DMD: variants seen among roughly 807,000 people sequenced by gnomAD.
DMD encodes dystrophin.
DMD carries 63 observed loss-of-function variants against 330.1 expected under a neutral mutation model. That is an observed-to-expected ratio of 0.19 (90% confidence interval 0.16 to 0.24). The LOEUF is 0.24. Ranked by LOEUF, DMD falls within the 10% of genes least tolerant of loss-of-function variation. The pLI is 1.00. For synonymous variants in DMD, 1,223 were observed against 959.8 expected (o/e 1.27, Z -5.07); for missense variants, 3,344 against 2,684.1 (o/e 1.25, Z -5.43).
intron 7 of DMD, among the ~76,000 whole-genome samples, chrX:32,747,845 C>A (rs980343408): frequency 1.8e-5 from 2 of 110,988 alleles, no homozygotes; most frequent in Non-Finnish European, 3.8e-5. Flanking sequence ...GAGCAAAGCA[C>A]AGCCACAGAA....
intron 47 of DMD, among the ~76,000 whole-genome samples, chrX:31,888,177 G>A (rs189635874): frequency 9.0e-6 from 1 of 111,429 alleles, no homozygotes; most frequent in African/African-American, 3.3e-5. Flanking sequence ...TTCTTGATAT[G>A]TTTTCTGTTA....
chrX:32,817,055 A>G (rs748624951), intron 5 of DMD, among the ~76,000 whole-genome samples: 2 of 112,088 alleles, frequency 1.8e-5, no homozygotes, highest in South Asian at 3.7e-4. Context: ...TTTAAAGTAT[A>G]TGTTCAAATT....
At chrX:32,489,043 G>A (rs1389375982) in intron 20 of DMD, among the ~76,000 whole-genome samples, 4 of 111,156 alleles carry the variant, frequency 3.6e-5, no homozygotes, top group Non-Finnish European at 7.5e-5. Flanking sequence ...TATCAGGTTC[G>A]TTTTTCCCTG....
At chrX:33,307,086 A>T (rs2053774364) in intron 1 of DMD, among the ~76,000 whole-genome samples, 1 of 111,582 alleles carries the variant, frequency 9.0e-6, no homozygotes, top group Admixed American at 9.6e-5. Flanking sequence ...GAGAGAGTCC[A>T]GATGATGATC....
chrX:32,936,867 G>A (rs775124989), intron 2 of DMD, among the ~76,000 whole-genome samples: 6 of 111,777 alleles, frequency 5.4e-5, no homozygotes, highest in African/African-American at 1.9e-4. Context: ...AGACACTTCT[G>A]GCTATGATTG....
chrX:32,545,549 A>C (rs1405145576), intron 16 of DMD, among the ~76,000 whole-genome samples: 1 of 111,915 alleles, frequency 8.9e-6, no homozygotes, highest in East Asian at 2.8e-4. Flanking sequence ...CTCAACATCG[A>C]AAGTCAATTT....
At chrX:32,202,505 C>G (rs1233155743) in intron 44 of DMD, among the ~76,000 whole-genome samples, 1 of 111,493 alleles carries the variant, frequency 9.0e-6, no homozygotes, top group Non-Finnish European at 1.9e-5. Context: ...GCATGCACCA[C>G]CACGCCTGGC....
At chrX:31,747,369 G>A (rs931498253) in intron 51 of DMD, among the ~76,000 whole-genome samples, 1 of 111,714 alleles carries the variant, frequency 9.0e-6, no homozygotes, top group African/African-American at 3.3e-5. Flanking sequence ...AATTACAATA[G>A]AATATATTTC....
intron 2 of DMD, among the ~76,000 whole-genome samples, chrX:32,906,208 G>A (rs1239561291): frequency 9.0e-6 from 1 of 111,235 alleles, no homozygotes; most frequent in Non-Finnish European, 1.9e-5. Context: ...CTGTTCTCGC[G>A]ATAGTGGGCT....
chrX:31,149,657 G>T (rs59591691), intron 74 of DMD, among the ~76,000 whole-genome samples: 5,673 of 110,600 alleles, frequency 0.051, 356 homozygotes, highest in African/African-American at 0.18. Context: ...TTTTCCTCTT[G>T]CTTTACAGGT....
At chrX:33,195,197 A>G (rs1396717616) in intron 1 of DMD, among the ~76,000 whole-genome samples, 2 of 111,730 alleles carry the variant, frequency 1.8e-5, no homozygotes, top group East Asian at 5.6e-4. Flanking sequence ...GAATGCAGCA[A>G]ACTGAAACTG....
chrX:32,306,937 T>C (rs1256811552), intron 42 of DMD, among the ~76,000 whole-genome samples: 1 of 111,352 alleles, frequency 9.0e-6, no homozygotes, highest in African/African-American at 3.3e-5. Context: ...CTTATTTTTG[T>C]CCTAAAAATT....
intron 2 of DMD, among the ~76,000 whole-genome samples, chrX:32,939,649 C>A (rs1337084926): frequency 9.0e-6 from 1 of 110,859 alleles, no homozygotes; most frequent in Admixed American, 9.6e-5. Context: ...TATGACTCTC[C>A]ATATAAGTTA....
intron 34 of DMD, among the ~76,000 whole-genome samples, chrX:32,370,225 T>A (rs1024395681): frequency 9.1e-6 from 1 of 109,482 alleles, no homozygotes; most frequent in African/African-American, 3.3e-5. Context: ...TAGTGTTTTT[T>A]TTTTTTTTTT....
chrX:32,387,017 T>C (rs1035216109), intron 32 of DMD, among the ~76,000 whole-genome samples: 1 of 110,666 alleles, frequency 9.0e-6, no homozygotes, highest in African/African-American at 3.3e-5. Flanking sequence ...TCAATATATA[T>C]TGTATCATAT....
At chrX:31,380,936 A>C (rs1173977048) in intron 60 of DMD, among the ~76,000 whole-genome samples, 1 of 110,739 alleles carries the variant, frequency 9.0e-6, no homozygotes, top group Non-Finnish European at 1.9e-5. Flanking sequence ...CTATCTCGGC[A>C]TAATTCTCAT....
chrX:31,715,677 G>A (rs990989327), intron 52 of DMD, among the ~76,000 whole-genome samples: 10 of 111,481 alleles, frequency 9.0e-5, no homozygotes, highest in South Asian at 3.8e-4. Flanking sequence ...GCAAGGATGA[G>A]GTATGTGAAC....
At chrX:31,720,292 T>C (rs2085371333) in intron 52 of DMD, among the ~76,000 whole-genome samples, 1 of 112,263 alleles carries the variant, frequency 8.9e-6, no homozygotes, top group Non-Finnish European at 1.9e-5. Context: ...TAATAATCCC[T>C]ACAATTTTCT....
At chrX:31,159,332 A>G (rs962223472) in intron 74 of DMD, among the ~76,000 whole-genome samples, 2 of 111,838 alleles carry the variant, frequency 1.8e-5, no homozygotes, top group Non-Finnish European at 3.8e-5. Flanking sequence ...AGGAAATTAC[A>G]GGAAAAGAAT....
Sources: allele counts gnomAD v4.1 joint callset (sites outside exome capture counted in the v4.1 genomes callset), GRCh38; gene constraint gnomAD v4.1.1; transcripts MANE v1.5; gene names NCBI Gene and HGNC (gene_info 2026-07-23, HGNC 2026-07-21).